Variants in CDC42SE2 observed in about 807,000 individuals in gnomAD.
The protein encoded by CDC42SE2 is CDC42 small effector 2, also known as CDC42 small effector protein 2.
CDC42SE2 carries 3 observed loss-of-function variants against 11.5 expected under a neutral mutation model. That is an observed-to-expected ratio of 0.26 (90% CI 0.12 to 0.67). CDC42SE2 has a LOEUF of 0.67. CDC42SE2 is among the 30% of genes least tolerant of loss of function. The pLI is 0.80. For synonymous variants in CDC42SE2, 33 were observed against 34.8 expected (o/e 0.95, Z 0.18); for missense variants, 82 against 106.8 (o/e 0.77, Z 1.02).
At chr5:131,390,897 C>A in intron 4 of CDC42SE2, 96 bp from the exon 5 acceptor site, 2 of 723,932 alleles carry the variant, frequency 2.8e-6, no homozygotes, top group East Asian at 3.2e-5. Context: ...CTGAAAAAAG[C>A]AGCCCAAATA....
chr5:131,383,963 T>A (rs185933041), intron 3 of CDC42SE2, among the ~76,000 whole-genome samples: 3 of 152,304 alleles, frequency 2.0e-5, no homozygotes, highest in African/African-American at 7.2e-5. Context: ...GACACACACA[T>A]GTTCAAATGT....
At chr5:131,311,567 C>G (rs1394449051) in intron 1 of CDC42SE2, among the ~76,000 whole-genome samples, 1 of 152,150 alleles carries the variant, frequency 6.6e-6, no homozygotes, top group Non-Finnish European at 1.5e-5. Context: ...CTCCCCATCA[C>G]TTTCAGGTAT....
chr5:131,337,110 T>A (rs1758587339), intron 2 of CDC42SE2, among the ~76,000 whole-genome samples: 4 of 152,174 alleles, frequency 2.6e-5, no homozygotes, highest in Admixed American at 2.6e-4. Context: ...TATCTACTTT[T>A]GGTCTTTGAT....
chr5:131,246,935 G>A (rs944130631), intron 1 of CDC42SE2, among the ~76,000 whole-genome samples: 1 of 151,740 alleles, frequency 6.6e-6, no homozygotes, highest in Non-Finnish European at 1.5e-5. Flanking sequence ...GTAGAGATAG[G>A]GTTTCTCCAT....
chr5:131,313,087 A>G (rs1293416177), intron 1 of CDC42SE2, among the ~76,000 whole-genome samples: 2 of 151,298 alleles, frequency 1.3e-5, no homozygotes, highest in Non-Finnish European at 2.9e-5. Flanking sequence ...GGTTCACACC[A>G]TTCTGCTGCC....
At chr5:131,339,033 G>A (rs1274979195) in intron 2 of CDC42SE2, among the ~76,000 whole-genome samples, 1 of 151,912 alleles carries the variant, frequency 6.6e-6, no homozygotes, top group East Asian at 1.9e-4. Context: ...GGATCATGAG[G>A]TCAGAAGATC....
intron 2 of CDC42SE2, among the ~76,000 whole-genome samples, chr5:131,333,207 C>G (rs937453059): frequency 5.9e-5 from 9 of 152,150 alleles, no homozygotes; most frequent in African/African-American, 2.2e-4. Flanking sequence ...TTTGCCAGCA[C>G]CATTTATTAA....
chr5:131,302,469 G>A (rs1217449694), intron 1 of CDC42SE2, among the ~76,000 whole-genome samples: 4 of 152,082 alleles, frequency 2.6e-5, no homozygotes, highest in Non-Finnish European at 4.4e-5. Flanking sequence ...GTGAGCCACC[G>A]TGCCCAGCCT....
intron 2 of CDC42SE2, among the ~76,000 whole-genome samples, chr5:131,258,835 G>A (rs1422265937): frequency 6.6e-6 from 1 of 152,168 alleles, no homozygotes; most frequent in Non-Finnish European, 1.5e-5. Context: ...TTATTCAAAT[G>A]TTGATGTGTG....
intron 3 of CDC42SE2, among the ~76,000 whole-genome samples, chr5:131,371,138 G>A (rs1359776619): frequency 6.6e-6 from 1 of 152,052 alleles, no homozygotes; most frequent in African/African-American, 2.4e-5. Context: ...ATCTGGGGCT[G>A]GTATTTATGA....
At chr5:131,337,871 C>G (rs1253565143) in intron 2 of CDC42SE2, among the ~76,000 whole-genome samples, 2 of 152,246 alleles carry the variant, frequency 1.3e-5, no homozygotes, top group African/African-American at 4.8e-5. Context: ...GTCTGTCACC[C>G]TTTTCTTTGA....
the CDC42SE2 span, among the ~76,000 whole-genome samples, chr5:131,230,720 A>C: frequency 6.6e-6 from 1 of 152,212 alleles, no homozygotes; most frequent in Non-Finnish European, 1.5e-5. Context: ...CCGAAAACTA[A>C]AAGTCAAATA....
chr5:131,363,596 C>T (rs1171673332), intron 3 of CDC42SE2, among the ~76,000 whole-genome samples: 1 of 151,612 alleles, frequency 6.6e-6, no homozygotes, highest in Non-Finnish European at 1.5e-5. Flanking sequence ...AGGCTGGTCT[C>T]GAACTCCTGA....
chr5:131,314,475 A>G lies in CDC42SE2; in HGVS notation c.-454-1501A>G, dbSNP rs10463885. Reference sequence around the variant, plus strand: ...AGGCTGGTCTTAAAATCCTGGCCTCAAGCAATCATCCCACCCTGGCCTCCC... The same window carrying G: ...AGGCTGGTCTTAAAATCCTGGCCTCGAGCAATCATCCCACCCTGGCCTCCC... On this transcript the variant is annotated intron_variant, in intron 1 of 4. Coordinates refer to ENST00000505065, the MANE Select transcript of CDC42SE2 (RefSeq NM_001375635.1). Among the ~76,000 whole-genome samples the G allele has an allele frequency of 5.2e-3, 794 of 152,184 alleles. 30 individuals carry two copies. The highest frequency in any genetic ancestry group is 0.039 in the Admixed American group (602 of 15,274).
At chr5:131,241,856 C>T (rs186627843), upstream of CDC42SE2, among the ~76,000 whole-genome samples, 44 of 80,474 alleles carry the variant, frequency 5.5e-4, no homozygotes, top group Non-Finnish European at 1.1e-3. Flanking sequence ...GTCCTTTTGC[C>T]TGCCTTTTTC....
chr5:131,213,621 C>G, the CDC42SE2 span, among the ~76,000 whole-genome samples: 11 of 151,938 alleles, frequency 7.2e-5, no homozygotes, highest in Non-Finnish European at 4.4e-5. Flanking sequence ...GGTAATTTTT[C>G]TTTTAGTTTT....
At chr5:131,270,461 A>G (rs1421677162) in intron 1 of CDC42SE2, among the ~76,000 whole-genome samples, 2 of 152,272 alleles carry the variant, frequency 1.3e-5, no homozygotes, top group African/African-American at 4.8e-5. Context: ...TTTGTTTAGT[A>G]AAGCAAAAAT....
At chr5:131,331,831 T>C (rs1758424826) in intron 2 of CDC42SE2, among the ~76,000 whole-genome samples, 1 of 152,226 alleles carries the variant, frequency 6.6e-6, no homozygotes, top group African/African-American at 2.4e-5. Context: ...TTATCAAAGC[T>C]TTCTATTATT....
intron 2 of CDC42SE2, among the ~76,000 whole-genome samples, chr5:131,331,138 C>T (rs1758412385): frequency 6.6e-6 from 1 of 152,132 alleles, no homozygotes; most frequent in Non-Finnish European, 1.5e-5. Context: ...AACTTTGATT[C>T]AGAGAGGCTA....
Sources: allele counts gnomAD v4.1 joint callset (sites outside exome capture counted in the v4.1 genomes callset), GRCh38; gene constraint gnomAD v4.1.1; transcripts MANE v1.5; gene names NCBI Gene and HGNC (gene_info 2026-07-23, HGNC 2026-07-21).